The following OARD1 variants were observed in gnomAD, a reference collection of about 807,000 sequenced individuals.
OARD1 encodes the protein ADP-ribose glycohydrolase OARD1.
Under a neutral mutation model 19.7 loss-of-function variants are expected in OARD1, and 19 were observed. That is an observed-to-expected ratio of 0.96 (90% CI 0.67 to 1.41). The LOEUF (loss-of-function observed/expected upper bound fraction) is 1.41. OARD1 is among the 40% of genes most tolerant of loss of function. The pLI, the probability that OARD1 is intolerant of heterozygous loss-of-function variation, is 0.00. For synonymous variants in OARD1, 70 were observed against 61.8 expected, an observed-to-expected ratio of 1.13 and a Z score of -0.62; for missense variants, 190 against 183.8, an observed-to-expected ratio of 1.03 and a Z score of -0.20.
intron 2 of OARD1, 158 bp downstream of exon 2, chr6:41,071,438 T>G: frequency 1.0e-6 from 1 of 968,648 alleles, no homozygotes; most frequent in Non-Finnish European, 1.6e-6. Flanking sequence ...AGGAAAGTAA[T>G]GGATGATCCC....
upstream of OARD1, chr6:41,072,590 C>G (rs533351617): frequency 3.6e-4 from 55 of 152,622 alleles, no homozygotes; most frequent in African/African-American, 1.2e-3. Flanking sequence ...TTTCCCGCCG[C>G]CGCCCGCGCA....
upstream of OARD1, among the ~76,000 whole-genome samples, chr6:41,073,788 C>T (rs1480259633): frequency 6.6e-6 from 1 of 152,164 alleles, no homozygotes; most frequent in Non-Finnish European, 1.5e-5. Flanking sequence ...CCGCCGCGCC[C>T]CTCCTCCCAG....
Position 41,067,089 on chromosome 6 carries a change from CCCTG to C in OARD1, c.*242_*245del, listed in dbSNP as rs1763049220. 1 of 267,220 alleles carries C rather than the reference CCCTG, an allele frequency of 3.7e-6. No homozygotes were observed. The highest frequency in any genetic ancestry group is 2.2e-5 in the African/African-American group (1 of 45,530). 16.6% of individuals were successfully genotyped at this position (267,220 alleles called of 1,614,324 possible). A position where few individuals can be genotyped will look rare whatever the true frequency, so the allele number is the denominator to read the frequency against. On this transcript the variant is annotated 3_prime_UTR_variant, in exon 6 of 6. Transcript: ENST00000424266. ...GGTCATAGTCCCGACAATCTGGTTT[CCCTG>C]CCTATTATCAAGCCACCTAACTCCT...
intron 1 of OARD1, chr6:41,092,895 G>C: frequency 1.2e-6 from 2 of 1,609,388 alleles, no homozygotes; most frequent in Non-Finnish European, 1.7e-6. Context: ...ATAAGCTCTG[G>C]TTTCCTGTTC....
chr6:41,067,476 G>C lies in OARD1; in HGVS notation c.357-39C>G, dbSNP rs779579661. 7.2e-6 allele frequency: 10 copies of C among 1,380,526 alleles called. No homozygotes were observed. In the Admixed American group the frequency reaches 1.5e-4, roughly 21 times the overall value. 85.5% of individuals were successfully genotyped at this position (1,380,526 alleles called of 1,614,324 possible). A position where few individuals can be genotyped will look rare whatever the true frequency, so the allele number is the denominator to read the frequency against. ...AATATCTCCATTGATGGTAACGAAA[G>C]TATCTAGGAAACTGCTCCTCTCTTT... On this transcript the variant is annotated intron_variant, in intron 5 of 5. Transcript: ENST00000424266.
chr6:41,067,444 A>G lies in OARD1; in HGVS notation c.357-7T>C, dbSNP rs761187398. 4 of 1,588,400 alleles carry G rather than the reference A, an allele frequency of 2.5e-6. No homozygotes were observed. In the Admixed American group the frequency reaches 6.7e-5, roughly 27 times the overall value. ...ATCAAGACCACATCCAATCCTGAAA[A>G]AGACAAAATATCTCCATTGATGGTA... On this transcript the variant is annotated splice_region_variant and splice_polypyrimidine_tract_variant and intron_variant, in intron 5 of 5. Coordinates refer to ENST00000424266, the MANE Select transcript of OARD1 (RefSeq NM_001329686.2).
chr6:41,074,081 C>T (rs576364828), upstream of OARD1, among the ~76,000 whole-genome samples: 4 of 152,338 alleles, frequency 2.6e-5, no homozygotes, highest in East Asian at 3.9e-4. Context: ...ATCTCCCTCC[C>T]TTGGGAATAT....
At chr6:41,084,231 G>T in intron 1 of OARD1, 1 of 1,598,480 alleles carries the variant, frequency 6.3e-7, no homozygotes, top group Admixed American at 1.7e-5. Context: ...TATATCAGAG[G>T]AGAGGTTTCA....
intron 1 of OARD1, among the ~76,000 whole-genome samples, chr6:41,092,150 CAT>C (rs1369815336): frequency 6.6e-6 from 1 of 152,140 alleles, no homozygotes; most frequent in East Asian, 1.9e-4. Flanking sequence ...GCTAAATCCT[CAT>C]ATGTCAAAAT....
intron 1 of OARD1, among the ~76,000 whole-genome samples, chr6:41,082,672 T>C (rs1763941626): frequency 6.6e-6 from 1 of 152,232 alleles, no homozygotes. Flanking sequence ...TCTGATTATT[T>C]TGGGAGAATT....
Position 41,065,742 on chromosome 6 carries a change from T to C in OARD1, c.*1593A>G, listed in dbSNP as rs1264228366. The C allele has an allele frequency of 6.6e-6, 1 of 152,198 alleles. No homozygotes were observed. Among genetic ancestry groups the C allele is most frequent in the African/African-American group, 2.4e-5 (1 of 41,440 alleles). 9.4% of individuals were successfully genotyped at this position (152,198 alleles called of 1,614,324 possible). ...TATGTGATAAGAACACAGTCTAAAG[T>C]ACAAAGATTATATTTAACCAGTACT... is the stretch of plus-strand genomic sequence containing the variant. On this transcript the variant is annotated 3_prime_UTR_variant, in exon 6 of 6. Transcript: ENST00000424266.
intron 1 of OARD1, 199 bp from the exon 2 acceptor site, chr6:41,071,874 C>G: frequency 3.9e-6 from 2 of 509,624 alleles, no homozygotes; most frequent in South Asian, 2.9e-5. Flanking sequence ...TGTCTCGACC[C>G]GCTCTCATTT....
intron 1 of OARD1, among the ~76,000 whole-genome samples, chr6:41,084,456 ATATTT>A (rs1429440290): frequency 6.6e-6 from 1 of 152,244 alleles, no homozygotes; most frequent in African/African-American, 2.4e-5. Flanking sequence ...AGTTTATAGT[ATATTT>A]TATTTTAAAA....
chr6:41,077,946 A>T (rs989251856), intron 1 of OARD1, among the ~76,000 whole-genome samples: 1 of 151,994 alleles, frequency 6.6e-6, no homozygotes, highest in Non-Finnish European at 1.5e-5. Context: ...ATTTTGATTA[A>T]ATTTTGTTAT....
intron 1 of OARD1, among the ~76,000 whole-genome samples, chr6:41,092,357 T>C (rs1458862857): frequency 6.6e-6 from 1 of 152,218 alleles, no homozygotes; most frequent in Non-Finnish European, 1.5e-5. Context: ...AGAGACCTCG[T>C]TTCTACGAAT....
intron 1 of OARD1, chr6:41,094,558 C>A (rs564491229): frequency 3.8e-6 from 5 of 1,313,258 alleles, no homozygotes; most frequent in East Asian, 2.3e-5. Flanking sequence ...TGAGTTGAAG[C>A]CTTCAGCAGT....
upstream of OARD1, among the ~76,000 whole-genome samples, chr6:41,073,984 G>C (rs1763646651): frequency 6.6e-6 from 1 of 151,534 alleles, no homozygotes; most frequent in South Asian, 2.1e-4. Flanking sequence ...CTCACTCTTA[G>C]AAGATTGATA....
upstream of OARD1, among the ~76,000 whole-genome samples, chr6:41,076,274 G>C (rs147630497): frequency 3.0e-4 from 45 of 152,236 alleles, no homozygotes; most frequent in Middle Eastern, 3.4e-3. Flanking sequence ...AAATACCAAA[G>C]TGCATCTTGT....
chr6:41,078,108 C>T (rs1015987854), intron 1 of OARD1, among the ~76,000 whole-genome samples: 1 of 152,132 alleles, frequency 6.6e-6, no homozygotes, highest in African/African-American at 2.4e-5. Context: ...TAACATCTTA[C>T]TATAATTGCC....
Sources: gnomAD v4.1 joint callset for allele counts (sites outside exome capture counted in the v4.1 genomes callset) on GRCh38, gnomAD v4.1.1 for gene constraint, MANE v1.5 for transcripts, NCBI Gene and HGNC (gene_info 2026-07-23, HGNC 2026-07-21) for gene names.